Variants in GIPC3 observed in about 807,000 individuals in gnomAD.
GIPC3 encodes the protein PDZ domain-containing protein GIPC3.
Under a neutral mutation model 27.3 loss-of-function variants are expected in GIPC3, and 16 were observed. The observed-to-expected ratio is 0.59, with a 90% CI of 0.40 to 0.89. The LOEUF (loss-of-function observed/expected upper bound fraction) is 0.89, where lower values mean the gene tolerates loss of function less well. Ranked by LOEUF, GIPC3 falls within the 40% of genes least tolerant of loss-of-function variation. The pLI, the probability that GIPC3 is intolerant of heterozygous loss-of-function variation, is 0.00. For synonymous variants in GIPC3, 194 were observed against 184.6 expected, an observed-to-expected ratio of 1.05 and a Z score of -0.41; for missense variants, 440 against 442.1, an observed-to-expected ratio of 1.00 and a Z score of 0.04.
intron 4 of GIPC3, 114 bp downstream of exon 4, chr19:3,589,669 A>C (rs2032443455): frequency 1.8e-6 from 2 of 1,132,898 alleles, no homozygotes; most frequent in South Asian, 2.5e-5. Context: ...CTGCCTGCAA[A>C]ATGGGTCCTC....
chr19:3,592,030 C>T lies in GIPC3; in HGVS notation c.*1840C>T. ...GCACAGGCTGGTTCTGAAATCCCAG[C>T]CAGCTCCAAAACACAGACAGCAGCT... On this transcript the variant is annotated 3_prime_UTR_variant, in exon 6 of 6. Coordinates refer to ENST00000644452, the MANE Select transcript of GIPC3 (RefSeq NM_133261.3). 1.7e-5 allele frequency: 21 copies of T among 1,232,062 alleles called. No individual in the cohort carries two copies. Among genetic ancestry groups the T allele is most frequent in the Non-Finnish European group, 2.0e-5 (20 of 988,032 alleles). 76.3% of individuals were successfully genotyped at this position (1,232,062 alleles called of 1,614,324 possible).
rs746265287 is a variant in GIPC3, at chr19:3,590,078, C to A, written c.827C>A (p.Ala276Asp). Residue 276 changes from alanine to aspartate, a missense_variant, in exon 6 of 6, where the codon GCC becomes GAC. Physicochemically the swap from Ala to Asp is moderately radical, Grantham distance 126. Transcript: ENST00000644452. ...GAGACGTCCAAGAAGACAGCGAGCGCCCAGGAGTTTGCACGCTGTTTAGAC... is the reference window on the plus strand; with the variant it reads ...GAGACGTCCAAGAAGACAGCGAGCGACCAGGAGTTTGCACGCTGTTTAGAC... Reference protein sequence around the residue: ...MVETSKKTASAQEFARCLDSV... With the variant: ...MVETSKKTASDQEFARCLDSV... The A allele has an allele frequency of 4.3e-6, 7 of 1,611,478 alleles. No individual in the cohort carries two copies. The highest frequency in any genetic ancestry group is 5.1e-6 in the Non-Finnish European group (6 of 1,179,056).
rs760896581 is a variant in GIPC3 at position 3,590,598 on chromosome 19, A to G, written c.*408A>G. ...GAGCTCTGAGACCATGCCCAGCTCT[A>G]GAACTCAGATGGGCTCTGAGACCAT... On this transcript the variant is annotated 3_prime_UTR_variant, in exon 6 of 6. Coordinates refer to ENST00000644452, the MANE Select transcript of GIPC3 (RefSeq NM_133261.3). 1.0e-4 allele frequency: 132 copies of G among 1,306,822 alleles called. No individual in the cohort carries two copies. Among genetic ancestry groups the G allele is most frequent in the Non-Finnish European group, 1.3e-4 (129 of 1,031,064 alleles). 81.0% of individuals were successfully genotyped at this position (1,306,822 alleles called of 1,614,324 possible).
rs202075236 is a variant in GIPC3, at chr19:3,589,529, G to C, written c.679G>C (p.Gly227Arg). 21 of 1,612,970 alleles carry C rather than the reference G, an allele frequency of 1.3e-5. No homozygotes were observed. The highest frequency in any genetic ancestry group is 1.6e-4 in the Middle Eastern group (1 of 6,084). Residue 227 changes from glycine (G) to arginine (R), a missense_variant, in exon 4 of 6, where the codon GGG (glycine) becomes CGG (arginine). By Grantham distance (125) the Gly-to-Arg change is moderately radical (BLOSUM62 -2). Coordinates refer to ENST00000644452, the MANE Select transcript of GIPC3 (RefSeq NM_133261.3). ...GAGGGAGACCCTGCGGCTTCGTTCT[G>C]GGGGGGCTGCCACAGTGGAGGAAGC... ...SGRETLRLRS[G>R]GAATVEEAPS...
rs1359803026 is a variant in GIPC3 at position 3,590,576 on chromosome 19, C to T, written c.*386C>T. ...AGCCCAGCTCTAGAACCCAGATGAG[C>T]TCTGAGACCATGCCCAGCTCTAGAA... On this transcript the variant is annotated 3_prime_UTR_variant, in exon 6 of 6. Transcript: ENST00000644452. The T allele has an allele frequency of 1.5e-6, 2 of 1,327,008 alleles. No homozygotes were observed. The highest frequency in any genetic ancestry group is 3.0e-5 in the African/African-American group (2 of 66,956). The allele number at this position is 1,327,008 out of a possible 1,614,324, so 82.2% of individuals were successfully genotyped here.
intron 1 of GIPC3, 36 bp from the exon 2 acceptor site, chr19:3,586,459 C>A: frequency 1.3e-6 from 2 of 1,597,178 alleles, no homozygotes; most frequent in Non-Finnish European, 8.6e-7. Flanking sequence ...GGGATGCATG[C>A]CCTGGCTAAC....
At chr19:3,585,934 GGCC>G in intron 1 of GIPC3, 112 bp downstream of exon 1, 4 of 1,453,938 alleles carry the variant, frequency 2.8e-6, no homozygotes, top group Non-Finnish European at 3.7e-6. Flanking sequence ...ACGTCGGGGT[GGCC>G]GCCTAATCGC....
rs969668918 is a variant in GIPC3 at position 3,588,640 on chromosome 19, CA to C, written c.593-784del. The stretch of plus-strand genomic sequence containing the variant: ...CCTGAGGTCAGGTGATCCATCGTAT[CA>C]AAAAAAAAAAAAAAAAAACCTGGCT... On this transcript the variant is annotated intron_variant, in intron 3 of 5. Coordinates refer to ENST00000644452, the MANE Select transcript of GIPC3 (RefSeq NM_133261.3). 1.9e-3 allele frequency among the ~76,000 whole-genome samples: 142 copies of C among 74,004 alleles called. 1 individual carries two copies. The highest frequency in any genetic ancestry group is 0.016 in the Middle Eastern group (2 of 126). The allele number at this position is 74,004 out of a possible 152,430, so 48.5% of individuals were successfully genotyped here.
rs370730002 is a variant in GIPC3, at chr19:3,585,676, C to T, written c.79C>T (p.Pro27Ser). 9.1e-5 allele frequency: 121 copies of T among 1,333,314 alleles called. No individual in the cohort carries two copies. In the East Asian group the frequency reaches 1.2e-3, roughly 13 times the overall value. The allele number at this position is 1,333,314 out of a possible 1,614,324, so 82.6% of individuals were successfully genotyped here. A position where few individuals can be genotyped will look rare whatever the true frequency, so the allele number is the denominator to read the frequency against. The change falls in exon 1 of 6, where the codon CCC becomes TCC. Residue 27 changes from proline to serine, a missense_variant. Physicochemically the swap from Pro to Ser is moderately conservative, Grantham distance 74. Transcript: ENST00000644452. ...ASAPPPAPSE[P>S]PAAPRARPRL... is the part of the protein sequence containing the mutation. ...TGCGCCCCCGCCCGCGCCCTCGGAG[C>T]CCCCGGCCGCGCCCCGCGCCCGCCC...
intron 1 of GIPC3, 49 bp from the exon 2 acceptor site, chr19:3,586,446 G>A (rs772231927): frequency 6.4e-6 from 10 of 1,552,822 alleles, no homozygotes; most frequent in Admixed American, 3.4e-5. Context: ...GTGGCTGCGT[G>A]GGGGGATGCA....
In GIPC3 at chr19:3,590,086, T is replaced by A; in HGVS notation, c.835T>A (p.Phe279Ile). 6.2e-7 allele frequency: 1 copy of A among 1,611,152 alleles called. No individual in the cohort carries two copies. The highest frequency in any genetic ancestry group is 8.5e-7 in the Non-Finnish European group (1 of 1,178,944). ...CAAGAAGACAGCGAGCGCCCAGGAG[T>A]TTGCACGCTGTTTAGACTCCGTCTT... ...TSKKTASAQE[F>I]ARCLDSVLGE... The change falls in exon 6 of 6, where the codon TTT (phenylalanine) becomes ATT (isoleucine). Residue 279 changes from phenylalanine (F) to isoleucine (I), a missense_variant. Transcript: ENST00000644452.
In GIPC3 at chr19:3,585,764, C is replaced by T. The variant is rs1050487253; in HGVS notation, c.167C>T (p.Thr56Ile). The T allele has an allele frequency of 3.9e-6, 6 of 1,547,408 alleles. No homozygotes were observed. Among genetic ancestry groups the T allele is most frequent in the Admixed American group, 3.9e-5 (2 of 50,918 alleles). ...CCCACGGGCAAGATCGAGGGCTTCA[C>T]CAACGTCCGCGAGCTGTACGCCAAG... ...GSPTGKIEGFTNVRELYAKIA... is the reference protein window; with the variant it reads ...GSPTGKIEGFINVRELYAKIA... The change falls in exon 1 of 6, where the codon ACC becomes ATC. Residue 56 changes from threonine to isoleucine, a missense_variant. By Grantham distance (89) the Thr-to-Ile change is moderately conservative. Coordinates refer to ENST00000644452, the MANE Select transcript of GIPC3 (RefSeq NM_133261.3).
Position 3,590,244 on chromosome 19 carries a change from CG to C in GIPC3, c.*56del. On this transcript the variant is annotated 3_prime_UTR_variant, in exon 6 of 6. Transcript: ENST00000644452. ...CAGCCCGGAGCCCAGCCCCCTGCCC[CG>C]GCCCTGCTCCAGAACCCAGCCCAGA... 1.3e-6 allele frequency: 2 copies of C among 1,543,248 alleles called. No homozygotes were observed. The highest frequency in any genetic ancestry group is 1.2e-5 in the South Asian group (1 of 83,880).
At chr19:3,588,272 G>A (rs377587646) in intron 3 of GIPC3, among the ~76,000 whole-genome samples, 1 of 152,216 alleles carries the variant, frequency 6.6e-6, no homozygotes, top group African/African-American at 2.4e-5. Context: ...GAAAGTGCTG[G>A]AATTACAGGC....
intron 1 of GIPC3, 74 bp from the exon 2 acceptor site, chr19:3,586,421 G>A: frequency 2.2e-6 from 3 of 1,355,258 alleles, no homozygotes; most frequent in Non-Finnish European, 3.1e-6. Context: ...GGGGGCAGGG[G>A]CCTGCGCAGA....
Position 3,586,642 on chromosome 19 carries a change from A to C in GIPC3, c.373A>C (p.Thr125Pro), listed in dbSNP as rs773908870. The C allele has an allele frequency of 1.3e-6, 2 of 1,582,420 alleles. No individual in the cohort carries two copies. The highest frequency in any genetic ancestry group is 1.4e-5 in the African/African-American group (1 of 70,326). Residue 125 changes from threonine to proline, a missense_variant, in exon 2 of 6, where the codon ACC becomes CCC. Thr to Pro is a conservative substitution (Grantham distance 38). Coordinates refer to ENST00000644452, the MANE Select transcript of GIPC3 (RefSeq NM_133261.3). ...VTKTEDALGL[T>P]ITDNGAGYAF... ...TAAGACAGAGGATGCTCTGGGGCTG[A>C]CCATCACGGACAACGGGGCTGGCTA...
In GIPC3 at chr19:3,592,414, C is replaced by T. The variant is rs73529965; in HGVS notation, c.*2224C>T. 4.9e-3 allele frequency: 6,010 copies of T among 1,231,988 alleles called. 230 individuals carry two copies. In the African/African-American group the frequency reaches 0.082, roughly 17 times the overall value. 76.3% of individuals were successfully genotyped at this position (1,231,988 alleles called of 1,614,324 possible). A position where few individuals can be genotyped will look rare whatever the true frequency, so the allele number is the denominator to read the frequency against. Reference sequence around the variant, plus strand: ...GCCAGCTCTGGAAGTCAGCTTAGTTCGGGAACCCAGCTGATTTCCGGAGCC... The same window carrying T: ...GCCAGCTCTGGAAGTCAGCTTAGTTTGGGAACCCAGCTGATTTCCGGAGCC... On this transcript the variant is annotated 3_prime_UTR_variant, in exon 6 of 6. Coordinates refer to ENST00000644452, the MANE Select transcript of GIPC3 (RefSeq NM_133261.3).
rs1013691338 is a variant in GIPC3 at position 3,591,128 on chromosome 19, G to A, written c.*938G>A. 5 of 1,233,252 alleles carry A rather than the reference G, an allele frequency of 4.1e-6. No homozygotes were observed. In the African/African-American group the frequency reaches 6.2e-5, roughly 15 times the overall value. The allele number at this position is 1,233,252 out of a possible 1,614,324, so 76.4% of individuals were successfully genotyped here. On this transcript the variant is annotated 3_prime_UTR_variant, in exon 6 of 6. Coordinates refer to ENST00000644452, the MANE Select transcript of GIPC3 (RefSeq NM_133261.3). ...GAACTCAGGTCAGCCCTGAGACCAA[G>A]CCCAGCTCTAGAACCCAGATAAGCT...
chr19:3,591,815 C>T lies in GIPC3; in HGVS notation c.*1625C>T. 1 of 1,233,718 alleles carries T rather than the reference C, an allele frequency of 8.1e-7. No homozygotes were observed. Among genetic ancestry groups the T allele is most frequent in the South Asian group, 4.1e-5 (1 of 24,392 alleles). 76.4% of individuals were successfully genotyped at this position (1,233,718 alleles called of 1,614,324 possible). On this transcript the variant is annotated 3_prime_UTR_variant, in exon 6 of 6. Coordinates refer to ENST00000644452, the MANE Select transcript of GIPC3 (RefSeq NM_133261.3). ...TTCAGACCAGCTCTGGAACCCCATC[C>T]ATCTTGGAAGCAAGACCCAGCTCCA...
Sources: gnomAD v4.1 joint callset for allele counts (sites outside exome capture counted in the v4.1 genomes callset) on GRCh38, gnomAD v4.1.1 for gene constraint, MANE v1.5 for transcripts, NCBI Gene and HGNC (gene_info 2026-07-23, HGNC 2026-07-21) for gene names.